Variants in CTNNA2 observed in about 807,000 individuals in gnomAD.
CTNNA2 encodes the protein catenin alpha-2.
In CTNNA2, 42 loss-of-function variants were observed where a neutral mutation model predicts 101.0. That is an observed-to-expected ratio of 0.42 (90% confidence interval 0.32 to 0.54). The LOEUF is 0.54. Ranked by LOEUF, CTNNA2 falls within the 20% of genes least tolerant of loss-of-function variation. The probability of loss-of-function intolerance (pLI) is 0.14; values close to 1 mark genes in which losing one functional copy is unlikely to be tolerated. For synonymous variants in CTNNA2, 450 were observed against 456.4 expected, an observed-to-expected ratio of 0.99 and a Z score of 0.18; for missense variants, 871 against 1,223.1, an observed-to-expected ratio of 0.71 and a Z score of 4.29.
chr2:79,722,950 C>G (rs529837319), intron 2 of CTNNA2, among the ~76,000 whole-genome samples: 8 of 152,074 alleles, frequency 5.3e-5, no homozygotes, highest in South Asian at 2.1e-4. Context: ...AAGTGAACCA[C>G]CTTTTTATTT....
chr2:79,821,900 TAC>T (rs1678041126), intron 3 of CTNNA2, among the ~76,000 whole-genome samples: 1 of 152,198 alleles, frequency 6.6e-6, no homozygotes, highest in African/African-American at 2.4e-5. Flanking sequence ...TTCACTCTTG[TAC>T]ATAGTTTATA....
In CTNNA2 at chr2:79,858,725, C is replaced by G. The variant is rs147188384; in HGVS notation, c.465+546C>G. Among the ~76,000 whole-genome samples, 56 of 152,270 alleles carry G rather than the reference C, an allele frequency of 3.7e-4. 1 individual carries two copies. In the East Asian group the frequency reaches 7.5e-3, roughly 20 times the overall value. ...CCCGTGGCTAAAGTCAATCTTGTTT[C>G]ACCAAGCCTGGCATCTAACATACCT... is the stretch of plus-strand genomic sequence containing the variant. On this transcript the variant is annotated intron_variant, in intron 4 of 18. Coordinates refer to ENST00000402739, the MANE Select transcript of CTNNA2 (RefSeq NM_001282597.3).
intron 7 of CTNNA2, among the ~76,000 whole-genome samples, chr2:80,005,183 C>T (rs1419089771): frequency 6.6e-6 from 1 of 152,272 alleles, no homozygotes; most frequent in African/African-American, 2.4e-5. Flanking sequence ...AGCACAGACT[C>T]ATCATGTTTA....
chr2:79,357,479 AC>A lies in CTNNA2; in HGVS notation c.-317-16351del, dbSNP rs1235862505. On this transcript the variant is annotated intron_variant, in intron 3 of 21. Transcript: ENST00000466387. ...GAAAATTCAGTAAAGAACATAAAAGACATATAGGGCAAGGTGAAACAATTTA... is the reference window on the plus strand; with the variant it reads ...GAAAATTCAGTAAAGAACATAAAAGAATATAGGGCAAGGTGAAACAATTTA... Among the ~76,000 whole-genome samples the A allele has an allele frequency of 2.0e-5, 3 of 152,114 alleles. No homozygotes were observed. In the East Asian group the frequency reaches 5.8e-4, roughly 29 times the overall value.
At chr2:79,442,633 G>T (rs534182976) in intron 4 of CTNNA2, among the ~76,000 whole-genome samples, 20 of 152,244 alleles carry the variant, frequency 1.3e-4, no homozygotes, top group African/African-American at 4.1e-4. Flanking sequence ...TTTATTAGAT[G>T]CAATAGGCAA....
chr2:79,583,904 T>C (rs1199573741), intron 1 of CTNNA2, among the ~76,000 whole-genome samples: 1 of 152,188 alleles, frequency 6.6e-6, no homozygotes, highest in Non-Finnish European at 1.5e-5. Context: ...TTTTTCTTCA[T>C]TGTTTTCTTT....
chr2:79,403,334 A>G (rs1393104604), intron 4 of CTNNA2, among the ~76,000 whole-genome samples: 1 of 152,012 alleles, frequency 6.6e-6, no homozygotes, highest in Non-Finnish European at 1.5e-5. Context: ...TCACAAGAGT[A>G]TCACCTAGAA....
In CTNNA2 at chr2:80,428,373, A is replaced by G. The variant is rs548333291; in HGVS notation, c.1290+8772A>G. Among the ~76,000 whole-genome samples, 2 of 152,306 alleles carry G rather than the reference A, an allele frequency of 1.3e-5. 1 individual carries two copies. The highest frequency in any genetic ancestry group is 4.1e-4 in the South Asian group (2 of 4,828). The stretch of plus-strand genomic sequence containing the variant: ...AGTAATAAAAAGCAAAGAAAGAAGA[A>G]TATGTCCAATGATATTGCAATAGTC... On this transcript the variant is annotated intron_variant, in intron 9 of 18. Transcript: ENST00000402739.
rs972050242 is a variant in CTNNA2, at chr2:79,801,451, G to A, written c.299-56562G>A. ...GAAACTGGAAAGGGCTTGAGTTCCA[G>A]GTTATTGAGGCCCCTTGACAAATGA... On this transcript the variant is annotated intron_variant, in intron 3 of 18. Transcript: ENST00000402739. 6.6e-5 allele frequency among the ~76,000 whole-genome samples: 10 copies of A among 152,278 alleles called. No individual in the cohort carries two copies. The South Asian group carries it at 1.9e-3, about 28-fold the overall frequency.
intron 9 of CTNNA2, among the ~76,000 whole-genome samples, chr2:80,459,389 C>T (rs1684245137): frequency 6.6e-6 from 1 of 152,126 alleles, no homozygotes; most frequent in African/African-American, 2.4e-5. Flanking sequence ...CACAGTTCAC[C>T]TTGACATTGA....
chr2:80,633,012 T>G (rs1363343985), intron 18 of CTNNA2, among the ~76,000 whole-genome samples: 2 of 152,168 alleles, frequency 1.3e-5, no homozygotes, highest in African/African-American at 4.8e-5. Flanking sequence ...TAATGTATTA[T>G]CTTGTGCTTT....
intron 3 of CTNNA2, among the ~76,000 whole-genome samples, chr2:79,766,481 A>G (rs1246211819): frequency 6.6e-6 from 1 of 151,956 alleles, no homozygotes; most frequent in Non-Finnish European, 1.5e-5. Context: ...TCTTTGACAG[A>G]TTTGATTGTT....
chr2:79,480,749 C>CT (rs1215921990), intron 4 of CTNNA2, among the ~76,000 whole-genome samples: 1 of 152,060 alleles, frequency 6.6e-6, no homozygotes. Context: ...CGATTTTTTT[C>CT]TTTTCCATGA....
chr2:79,420,331 G>T (rs908538747), intron 4 of CTNNA2, among the ~76,000 whole-genome samples: 2 of 152,028 alleles, frequency 1.3e-5, no homozygotes, highest in African/African-American at 2.4e-5. Flanking sequence ...ACCTGAGATC[G>T]GTTGGTCAAT....
At chr2:79,708,608 C>A (rs1573747693) in intron 2 of CTNNA2, among the ~76,000 whole-genome samples, 3 of 152,100 alleles carry the variant, frequency 2.0e-5, no homozygotes, top group South Asian at 2.1e-4. Context: ...CCTTTACATA[C>A]TATATTAAAT....
intron 7 of CTNNA2, among the ~76,000 whole-genome samples, chr2:80,361,307 C>A (rs897148156): frequency 1.5e-4 from 23 of 152,062 alleles, no homozygotes; most frequent in African/African-American, 5.6e-4. Context: ...AAAAATTAAA[C>A]AACAACCATA....
chr2:80,558,847 T>C (rs1693293606), intron 12 of CTNNA2, among the ~76,000 whole-genome samples: 1 of 152,146 alleles, frequency 6.6e-6, no homozygotes, highest in South Asian at 2.1e-4. Context: ...ATTGATTTTT[T>C]TGTTTGATAT....
intron 18 of CTNNA2, among the ~76,000 whole-genome samples, chr2:80,636,561 G>A (rs537347980): frequency 2.3e-4 from 35 of 152,224 alleles, no homozygotes; most frequent in African/African-American, 8.2e-4. Flanking sequence ...AATGAGGTAA[G>A]GTGGTGTCAT....
chr2:79,247,894 C>T (rs977007484), intron 2 of CTNNA2, among the ~76,000 whole-genome samples: 10 of 152,316 alleles, frequency 6.6e-5, no homozygotes, highest in African/African-American at 2.4e-4. Flanking sequence ...ATGAATTCTT[C>T]TCTGGAGCCT....
Sources: allele counts gnomAD v4.1 joint callset (sites outside exome capture counted in the v4.1 genomes callset), GRCh38; gene constraint gnomAD v4.1.1; transcripts MANE v1.5; gene names NCBI Gene and HGNC (gene_info 2026-07-23, HGNC 2026-07-21).